Variants in SPAG17 observed in about 807,000 individuals in gnomAD.
SPAG17 encodes the protein sperm-associated antigen 17.
A neutral mutation model predicts 273.6 loss-of-function variants in SPAG17; 169 were observed. The observed-to-expected ratio is 0.62, with a 90% CI of 0.55 to 0.70. The LOEUF is 0.70. SPAG17 is among the 30% of genes least tolerant of loss of function. The pLI is 0.00. For missense variants in SPAG17, 2,557 were observed against 2,627.8 expected, an observed-to-expected ratio of 0.97 and a Z score of 0.59; for synonymous variants, 825 against 873.2, an observed-to-expected ratio of 0.94 and a Z score of 0.97.
At chr1:118,056,260 C>A (rs1399947709) in intron 18 of SPAG17, among the ~76,000 whole-genome samples, 2 of 152,136 alleles carry the variant, frequency 1.3e-5, no homozygotes, top group African/African-American at 4.8e-5. Flanking sequence ...AAGAGATGAT[C>A]ACTTTCACCA....
intron 20 of SPAG17, among the ~76,000 whole-genome samples, chr1:118,044,440 G>A (rs923999526): frequency 4.0e-5 from 6 of 151,388 alleles, no homozygotes; most frequent in Admixed American, 1.3e-4. Context: ...AGCCGAGATC[G>A]CACCACTGCA....
At position 118,008,126 on chromosome 1, in the gene SPAG17, A is replaced by G. The variant is rs1049332117; in HGVS notation, c.4505T>C (p.Ile1502Thr). Residue 1502 changes from isoleucine (I) to threonine (T), a missense_variant, in exon 31 of 49, where the codon ATC becomes ACC. Coordinates refer to ENST00000336338, the MANE Select transcript of SPAG17 (RefSeq NM_206996.4). ...RVESSRYATV[I>T]ANCEDSSCCA... is the part of the protein sequence containing the mutation. Reference sequence around the variant, plus strand: ...GCAGCTACTGTCCTCACAGTTGGCGATAACAGTGGCATAGCGTGAGCTTTC... The same window carrying G: ...GCAGCTACTGTCCTCACAGTTGGCGGTAACAGTGGCATAGCGTGAGCTTTC... The G allele has an allele frequency of 2.5e-5, 40 of 1,613,980 alleles. No homozygotes were observed. The highest frequency in any genetic ancestry group is 3.3e-5 in the Non-Finnish European group (39 of 1,179,994).
chr1:118,057,936 T>C (rs1482849217), intron 18 of SPAG17, among the ~76,000 whole-genome samples: 1 of 151,838 alleles, frequency 6.6e-6, no homozygotes, highest in Non-Finnish European at 1.5e-5. Context: ...GTATAACCTC[T>C]AGCAGAATAT....
intron 13 of SPAG17, among the ~76,000 whole-genome samples, chr1:118,083,363 CTG>C (rs1654741347): frequency 1.3e-5 from 2 of 152,074 alleles, no homozygotes; most frequent in African/African-American, 4.8e-5. Flanking sequence ...GGAAAAAAGA[CTG>C]TTGGTAAAAA....
rs74964335 is a variant in SPAG17, at chr1:118,146,523, C to A, written c.315+4020G>T. On this transcript the variant is annotated intron_variant, in intron 3 of 48. Coordinates refer to ENST00000336338, the MANE Select transcript of SPAG17 (RefSeq NM_206996.4). The stretch of plus-strand genomic sequence containing the variant: ...TTTAAAGTTGCCATCAAAATATGTA[C>A]GGAATTCATCTTTCCTATTTAGCAT... Among the ~76,000 whole-genome samples, 16 of 152,260 alleles carry A rather than the reference C, an allele frequency of 1.1e-4. No individual in the cohort carries two copies. The Middle Eastern group carries it at 0.014, about 129-fold the overall frequency.
At chr1:117,978,028 T>C (rs1270690405) in intron 43 of SPAG17, among the ~76,000 whole-genome samples, 1 of 152,184 alleles carries the variant, frequency 6.6e-6, no homozygotes, top group African/African-American at 2.4e-5. Flanking sequence ...ACCCCGATCA[T>C]TTTACCATTT....
intron 13 of SPAG17, among the ~76,000 whole-genome samples, chr1:118,082,204 C>T (rs1202505005): frequency 6.6e-6 from 1 of 152,156 alleles, no homozygotes; most frequent in African/African-American, 2.4e-5. Context: ...AGCATTTATT[C>T]ACTTGCTCAC....
intron 3 of SPAG17, among the ~76,000 whole-genome samples, chr1:118,118,003 C>T (rs1291668017): frequency 2.0e-5 from 3 of 152,178 alleles, no homozygotes; most frequent in African/African-American, 7.2e-5. Context: ...AAAATGTTTA[C>T]AAATTAATTT....
intron 4 of SPAG17, among the ~76,000 whole-genome samples, chr1:118,113,348 C>T (rs1381359984): frequency 1.3e-5 from 2 of 152,028 alleles, no homozygotes. Context: ...TACATACTTT[C>T]TGCTTGTTTT....
At chr1:117,955,622 C>T (rs1445153337) in intron 48 of SPAG17, among the ~76,000 whole-genome samples, 2 of 152,000 alleles carry the variant, frequency 1.3e-5, no homozygotes, top group African/African-American at 2.4e-5. Context: ...ATATATAATT[C>T]AATTAGAAGC....
chr1:117,983,686 C>G (rs756389886), intron 42 of SPAG17, 125 bp downstream of exon 42: 17 of 463,192 alleles, frequency 3.7e-5, no homozygotes, highest in Non-Finnish European at 5.6e-5. Flanking sequence ...TCAGCCAGAT[C>G]TGTCATATGC....
intron 16 of SPAG17, 32 bp downstream of exon 16, chr1:118,074,506 GT>G: frequency 6.4e-7 from 1 of 1,563,408 alleles, no homozygotes; most frequent in Non-Finnish European, 8.8e-7. Flanking sequence ...AGATCATCTT[GT>G]CATCTACATT....
chr1:117,957,299 GA>G (rs2101288861), intron 48 of SPAG17: 1 of 1,377,382 alleles, frequency 7.3e-7, no homozygotes, highest in East Asian at 2.6e-5. Context: ...ATAGTATGCC[GA>G]ACTCGGTGGC....
chr1:118,101,397 G>C (rs1049502093), intron 5 of SPAG17, among the ~76,000 whole-genome samples: 1 of 152,180 alleles, frequency 6.6e-6, no homozygotes, highest in Non-Finnish European at 1.5e-5. Context: ...CTCTAGCCTG[G>C]GTGACAGAGG....
chr1:118,109,202 C>T (rs1272221724), intron 4 of SPAG17, among the ~76,000 whole-genome samples: 1 of 148,694 alleles, frequency 6.7e-6, no homozygotes, highest in Non-Finnish European at 1.5e-5. Flanking sequence ...AGTGCAGTGG[C>T]GCGATGTCAG....
At position 118,180,075 on chromosome 1, in the gene SPAG17, G is replaced by A. The variant is rs372286857; in HGVS notation, c.87+4996C>T. Among the ~76,000 whole-genome samples the A allele has an allele frequency of 5.3e-5, 8 of 151,966 alleles. No homozygotes were observed. The East Asian group carries it at 1.2e-3, about 22-fold the overall frequency. On this transcript the variant is annotated intron_variant, in intron 1 of 48. Coordinates refer to ENST00000336338, the MANE Select transcript of SPAG17 (RefSeq NM_206996.4). ...TAATAGTAGAACTACCATATAATCC[G>A]GCAGTTCTGCTACTTGGTATATAGC...
At chr1:118,125,011 T>C (rs1462642247) in intron 3 of SPAG17, among the ~76,000 whole-genome samples, 2 of 152,126 alleles carry the variant, frequency 1.3e-5, no homozygotes, top group Admixed American at 6.5e-5. Flanking sequence ...GAGAGCCTTT[T>C]AGCCCAGGTT....
At chr1:118,019,594 A>T (rs961770850) in intron 28 of SPAG17, among the ~76,000 whole-genome samples, 1 of 152,210 alleles carries the variant, frequency 6.6e-6, no homozygotes, top group African/African-American at 2.4e-5. Context: ...CTCTAGAATC[A>T]ATGAAAAACA....
chr1:118,066,822 G>C lies in SPAG17; in HGVS notation c.2463C>G (p.Val821=). 1 of 1,613,830 alleles carries C rather than the reference G, an allele frequency of 6.2e-7. No homozygotes were observed. Among genetic ancestry groups the C allele is most frequent in the Non-Finnish European group, 8.5e-7 (1 of 1,179,800 alleles). The stretch of plus-strand genomic sequence containing the variant: ...GTTGTCTATTCATTGGATTGTGAAA[G>C]ACTAAAAGTAAAGAGTTGTCTTGGG... The part of the protein sequence containing the change: ...YHTQDNSLLL[V]FHNPMNRQRL... The change falls in exon 18 of 49, where the codon GTC becomes GTG. Residue 821 remains valine, a synonymous_variant. Coordinates refer to ENST00000336338, the MANE Select transcript of SPAG17 (RefSeq NM_206996.4).
Sources: gnomAD v4.1 joint callset for allele counts (sites outside exome capture counted in the v4.1 genomes callset) on GRCh38, gnomAD v4.1.1 for gene constraint, MANE v1.5 for transcripts, NCBI Gene and HGNC (gene_info 2026-07-23, HGNC 2026-07-21) for gene names.